Variants in USP34 observed in about 807,000 individuals in gnomAD.
The protein encoded by USP34 is ubiquitin carboxyl-terminal hydrolase 34.
USP34 carries 70 observed loss-of-function variants against 460.3 expected under a neutral mutation model. That is an observed-to-expected ratio of 0.15 (90% CI 0.13 to 0.19). The LOEUF (loss-of-function observed/expected upper bound fraction) is 0.19, where lower values mean the gene tolerates loss of function less well. USP34 is among the 10% of genes least tolerant of loss of function. USP34 has a pLI of 1.00. For synonymous variants in USP34, 1,647 were observed against 1,405.3 expected (o/e 1.17, Z -3.85); for missense variants, 3,985 against 4,236.2 (o/e 0.94, Z 1.65).
At chr2:61,246,557 TATCA>T in intron 49 of USP34, 80 bp from the exon 50 acceptor site, 2 of 936,142 alleles carry the variant, frequency 2.1e-6, no homozygotes, top group Non-Finnish European at 2.9e-6. Flanking sequence ...AAATAAACTT[TATCA>T]ATTACAATAT....
chr2:61,292,063 G>T (rs981325148), intron 33 of USP34, among the ~76,000 whole-genome samples: 1 of 152,122 alleles, frequency 6.6e-6, no homozygotes, highest in Non-Finnish European at 1.5e-5. Flanking sequence ...GGGCTAAAGC[G>T]TTTAGGGGGA....
intron 21 of USP34, among the ~76,000 whole-genome samples, chr2:61,325,015 A>G (rs1292085082): frequency 6.6e-6 from 1 of 152,156 alleles, no homozygotes; most frequent in Non-Finnish European, 1.5e-5. Context: ...AATACCGTAC[A>G]TTCTTGCTTG....
intron 41 of USP34, among the ~76,000 whole-genome samples, chr2:61,267,445 T>G (rs963273246): frequency 1.4e-5 from 2 of 146,806 alleles, no homozygotes; most frequent in African/African-American, 4.9e-5. Flanking sequence ...GTTAGGAGAT[T>G]TTTTTTTTTT....
intron 1 of USP34, among the ~76,000 whole-genome samples, chr2:61,457,889 A>G (rs1695483770): frequency 6.6e-6 from 1 of 152,164 alleles, no homozygotes; most frequent in South Asian, 2.1e-4. Flanking sequence ...GTACCATTTT[A>G]TGAAGAGGGT....
chr2:61,190,202 T>A, intron 78 of USP34, 69 bp downstream of exon 78: 1 of 1,515,694 alleles, frequency 6.6e-7, no homozygotes, highest in Non-Finnish European at 8.8e-7. Flanking sequence ...AGTAAAATCA[T>A]ATGAAGGCCA....
chr2:61,452,434 C>T (rs1283899841), intron 1 of USP34, among the ~76,000 whole-genome samples: 2 of 148,184 alleles, frequency 1.3e-5, no homozygotes, highest in East Asian at 2.1e-4. Context: ...AAGAGATTCT[C>T]GTGCCTCAGC....
intron 30 of USP34, among the ~76,000 whole-genome samples, chr2:61,296,048 C>T (rs1690017090): frequency 6.6e-6 from 1 of 152,156 alleles, no homozygotes; most frequent in East Asian, 1.9e-4. Context: ...CATTTGAAGT[C>T]AGGAGTTATA....
intron 5 of USP34, among the ~76,000 whole-genome samples, chr2:61,392,320 AAAAAC>A (rs1232458069): frequency 6.6e-6 from 1 of 152,160 alleles, no homozygotes; most frequent in African/African-American, 2.4e-5. Flanking sequence ...TCTCAAAAAC[AAAAAC>A]AAAACAAAGG....
chr2:61,464,475 G>T (rs1695703543), intron 1 of USP34, among the ~76,000 whole-genome samples: 1 of 152,122 alleles, frequency 6.6e-6, no homozygotes, highest in Non-Finnish European at 1.5e-5. Flanking sequence ...TCACCAAATG[G>T]TATTGGGATA....
chr2:61,233,111 C>A (rs1302959098), intron 57 of USP34, among the ~76,000 whole-genome samples: 1 of 152,042 alleles, frequency 6.6e-6, no homozygotes, highest in Non-Finnish European at 1.5e-5. Context: ...CTGGCCGCCT[C>A]AGCCTCCTAA....
At chr2:61,238,351 C>G (rs955339627) in intron 53 of USP34, among the ~76,000 whole-genome samples, 2 of 152,104 alleles carry the variant, frequency 1.3e-5, no homozygotes, top group African/African-American at 4.8e-5. Flanking sequence ...TTTGCCTGGC[C>G]CGAAGCATTC....
intron 3 of USP34, among the ~76,000 whole-genome samples, chr2:61,401,716 T>G (rs1693726851): frequency 1.0e-5 from 1 of 98,932 alleles, no homozygotes; most frequent in Non-Finnish European, 2.2e-5. Context: ...GCCCTGCTAA[T>G]TTTTTTTTTT....
chr2:61,291,689 T>C (rs1283475341), intron 33 of USP34, among the ~76,000 whole-genome samples: 1 of 152,190 alleles, frequency 6.6e-6, no homozygotes, highest in East Asian at 1.9e-4. Context: ...ATTGGGAAAA[T>C]GTAAATGCTA....
intron 34 of USP34, among the ~76,000 whole-genome samples, chr2:61,285,828 GC>G (rs1689672996): frequency 1.3e-5 from 2 of 152,104 alleles, no homozygotes; most frequent in Admixed American, 6.6e-5. Flanking sequence ...TCAGCTTCAG[GC>G]TACATGATCC....
chr2:61,274,190 A>G (rs1408204208), intron 41 of USP34, among the ~76,000 whole-genome samples: 1 of 151,768 alleles, frequency 6.6e-6, no homozygotes, highest in Non-Finnish European at 1.5e-5. Flanking sequence ...AGGAGTTCAA[A>G]ACCAGCCTGG....
chr2:61,281,175 T>A lies in USP34; in HGVS notation c.5066A>T (p.Asp1689Val). ...KLSLSGLDGG[D>V]SINRSFLLLA... The stretch of plus-strand genomic sequence containing the variant: ...TAGCAGAAAAGAACGATTGATTGAG[T>A]CTCCTCCATCCAGCCCTGACAGGGA... Residue 1689 changes from aspartate to valine, a missense_variant, in exon 38 of 80, where the codon GAC becomes GTC. Asp to Val is a radical substitution (Grantham distance 152). Transcript: ENST00000398571. The A allele has an allele frequency of 3.1e-6, 5 of 1,613,788 alleles. No individual in the cohort carries two copies. The highest frequency in any genetic ancestry group is 4.2e-6 in the Non-Finnish European group (5 of 1,179,892).
chr2:61,239,038 G>T lies in USP34; in HGVS notation c.6777+2522C>A, dbSNP rs1688153982. Among the ~76,000 whole-genome samples, 5 of 151,642 alleles carry T rather than the reference G, an allele frequency of 3.3e-5. No individual in the cohort carries two copies. The South Asian group carries it at 1.0e-3, about 32-fold the overall frequency. On this transcript the variant is annotated intron_variant, in intron 53 of 79. Coordinates refer to ENST00000398571, the MANE Select transcript of USP34 (RefSeq NM_014709.4). ...GTATGATTTTTGATGTTACTGTTGT[G>T]ATTGTTTCAGGGTACCACGAACTAC... is the stretch of plus-strand genomic sequence containing the variant.
chr2:61,205,990 C>A lies in USP34; in HGVS notation c.9154+27G>T, dbSNP rs754257903. The A allele has an allele frequency of 1.6e-5, 25 of 1,543,588 alleles. No individual in the cohort carries two copies. The East Asian group carries it at 2.9e-4, about 18-fold the overall frequency. ...ACAATGTTCTTCCACTAGGTTTTTA[C>A]ACGGGTGAATTTTTCAAGTAACTTA... On this transcript the variant is annotated intron_variant, in intron 72 of 79. Coordinates refer to ENST00000398571, the MANE Select transcript of USP34 (RefSeq NM_014709.4).
At chr2:61,256,735 T>C (rs1688733531) in intron 47 of USP34, 138 bp downstream of exon 47, 2 of 682,592 alleles carry the variant, frequency 2.9e-6, no homozygotes, top group Non-Finnish European at 4.6e-6. Flanking sequence ...TGTTTAACTC[T>C]TATTTGAATA....
Sources: allele counts gnomAD v4.1 joint callset (sites outside exome capture counted in the v4.1 genomes callset), GRCh38; gene constraint gnomAD v4.1.1; transcripts MANE v1.5; gene names NCBI Gene and HGNC (gene_info 2026-07-23, HGNC 2026-07-21).